The following UBL3 variants were observed in gnomAD, a reference collection of about 807,000 sequenced individuals.
UBL3 encodes ubiquitin-like protein 3.
Under a neutral mutation model 18.4 loss-of-function variants are expected in UBL3, and 6 were observed. That is an observed-to-expected ratio of 0.33 (90% confidence interval 0.18 to 0.64). The LOEUF (loss-of-function observed/expected upper bound fraction) is 0.64. UBL3 is among the 30% of genes least tolerant of loss of function. UBL3 has a pLI of 0.76. For synonymous variants in UBL3, 49 were observed against 46.6 expected (o/e 1.05, Z -0.21); for missense variants, 109 against 142.9 (o/e 0.76, Z 1.21).
chr13:29,767,828 C>A, intron 3 of UBL3, 133 bp from the exon 4 acceptor site: 2 of 615,816 alleles, frequency 3.2e-6, no homozygotes, highest in South Asian at 3.0e-5. Context: ...ACTCAGAGTA[C>A]CTTCACAAAA....
rs193108192 is a variant in UBL3, at chr13:29,816,787, C to G, written c.27+32725G>C. Among the ~76,000 whole-genome samples the G allele has an allele frequency of 1.0e-2, 1,110 of 111,012 alleles. 16 individuals carry two copies. Among genetic ancestry groups the G allele is most frequent in the African/African-American group, 0.034 (1,055 of 31,228 alleles). The allele number at this position is 111,012 out of a possible 152,430, so 72.8% of individuals were successfully genotyped here. ...AAAAAAAAAAAAAAAAAAAAAGGAA[C>G]AATGTTGAACTCTGAAAATCTTCTA... On this transcript the variant is annotated intron_variant, in intron 1 of 4. Transcript: ENST00000380680.
intron 1 of UBL3, among the ~76,000 whole-genome samples, chr13:29,835,501 G>GAGCCAC (rs60487197): frequency 0.1 from 15,361 of 151,406 alleles, 943 homozygotes; most frequent in African/African-American, 0.17. Flanking sequence ...CTCCCAGTGG[G>GAGCCAC]TGGCTCCCAC....
chr13:29,844,398 G>T (rs1342220180), intron 1 of UBL3, among the ~76,000 whole-genome samples: 1 of 152,094 alleles, frequency 6.6e-6, no homozygotes, highest in Non-Finnish European at 1.5e-5. Context: ...GGTGCCGAGG[G>T]TATTATAGTT....
At chr13:29,819,340 T>G (rs998430497) in intron 1 of UBL3, among the ~76,000 whole-genome samples, 1 of 152,214 alleles carries the variant, frequency 6.6e-6, no homozygotes, top group Non-Finnish European at 1.5e-5. Flanking sequence ...TAAGGTGATT[T>G]TGTTGCATTT....
At chr13:29,788,205 G>A (rs1333675360) in intron 1 of UBL3, among the ~76,000 whole-genome samples, 1 of 152,068 alleles carries the variant, frequency 6.6e-6, no homozygotes, top group South Asian at 2.1e-4. Flanking sequence ...ACACTTATTT[G>A]TCTTAGCCTT....
At chr13:29,833,414 G>A (rs1878834213) in intron 1 of UBL3, among the ~76,000 whole-genome samples, 1 of 150,726 alleles carries the variant, frequency 6.6e-6, no homozygotes, top group African/African-American at 2.5e-5. Flanking sequence ...AAATTAGTGA[G>A]GAAAATAATG....
chr13:29,774,659 GA>G (rs1876933575), intron 2 of UBL3, among the ~76,000 whole-genome samples: 1 of 151,998 alleles, frequency 6.6e-6, no homozygotes, highest in African/African-American at 2.4e-5. Flanking sequence ...TCCAGTAGTT[GA>G]AAGTATTTGT....
At chr13:29,818,361 A>G (rs908700246) in intron 1 of UBL3, among the ~76,000 whole-genome samples, 1 of 152,244 alleles carries the variant, frequency 6.6e-6, no homozygotes, top group Non-Finnish European at 1.5e-5. Flanking sequence ...GAGACACTTA[A>G]CATCAATTAT....
intron 1 of UBL3, among the ~76,000 whole-genome samples, chr13:29,790,350 C>CT (rs1877450080): frequency 6.6e-6 from 1 of 152,070 alleles, no homozygotes; most frequent in Non-Finnish European, 1.5e-5. Flanking sequence ...TCTTTCATTC[C>CT]TTTTAAACCT....
chr13:29,770,365 G>A (rs116944309), intron 3 of UBL3, among the ~76,000 whole-genome samples: 2 of 152,098 alleles, frequency 1.3e-5, no homozygotes, highest in East Asian at 3.9e-4. Context: ...AAGAAGGACA[G>A]CAACACAGAA....
chr13:29,782,669 A>G (rs1166106688), intron 1 of UBL3, among the ~76,000 whole-genome samples: 1 of 152,164 alleles, frequency 6.6e-6, no homozygotes, highest in Non-Finnish European at 1.5e-5. Context: ...GTAGTTTGGA[A>G]GTATAAAATG....
rs1354853814 is a variant in UBL3, at chr13:29,772,188, T to C, written c.147A>G (p.Glu49=). 12 of 1,611,462 alleles carry C rather than the reference T, an allele frequency of 7.4e-6. No homozygotes were observed. Among genetic ancestry groups the C allele is most frequent in the Non-Finnish European group, 1.0e-5 (12 of 1,178,500 alleles). Residue 49 remains glutamate, a synonymous_variant, in exon 3 of 5, where the codon GAA becomes GAG. Coordinates refer to ENST00000380680, the MANE Select transcript of UBL3 (RefSeq NM_007106.4). ...VYDNWPMDWE[E]EQVSSPNILR... ...GAATATTTGGACTGCTGACCTGCTCTTCTTCCCAGTCTGAAAAGAATCCAG... is the reference window on the plus strand; with the variant it reads ...GAATATTTGGACTGCTGACCTGCTCCTCTTCCCAGTCTGAAAAGAATCCAG...
intron 1 of UBL3, among the ~76,000 whole-genome samples, chr13:29,839,906 G>A (rs1199453972): frequency 2.7e-5 from 4 of 146,866 alleles, no homozygotes; most frequent in Admixed American, 6.9e-5. Context: ...TAGCCTGGGC[G>A]ACAGAGTGAG....
intron 1 of UBL3, among the ~76,000 whole-genome samples, chr13:29,830,744 A>G (rs969069228): frequency 5.9e-5 from 9 of 152,260 alleles, no homozygotes; most frequent in African/African-American, 2.2e-4. Flanking sequence ...ACAATTAGAA[A>G]GTGTTTGGAA....
At chr13:29,785,548 T>C (rs1340437201) in intron 1 of UBL3, among the ~76,000 whole-genome samples, 2 of 152,174 alleles carry the variant, frequency 1.3e-5, no homozygotes, top group Non-Finnish European at 2.9e-5. Context: ...AGTTATGAAT[T>C]TATAAAGGGC....
In UBL3 at chr13:29,771,990, G is replaced by A. The variant is rs1254547953; in HGVS notation, c.223+122C>T. 22 of 833,822 alleles carry A rather than the reference G, an allele frequency of 2.6e-5. No homozygotes were observed. The East Asian group carries it at 5.9e-4, about 22-fold the overall frequency. The allele number at this position is 833,822 out of a possible 1,614,324, so 51.7% of individuals were successfully genotyped here. A position where few individuals can be genotyped will look rare whatever the true frequency, so the allele number is the denominator to read the frequency against. The stretch of plus-strand genomic sequence containing the variant: ...GAAGGAGTAGGCATACCAGAAATAG[G>A]CAGAATTCATAGTTTGAATTTATCA... On this transcript the variant is annotated intron_variant, in intron 3 of 4. Transcript: ENST00000380680.
rs199532113 is a variant in UBL3, at chr13:29,784,566, GA to G, written c.28-7304del. Among the ~76,000 whole-genome samples the G allele has an allele frequency of 7.8e-3, 1,004 of 129,230 alleles. 30 individuals carry two copies. In the East Asian group the frequency reaches 0.08, roughly 10 times the overall value. The allele number at this position is 129,230 out of a possible 152,430, so 84.8% of individuals were successfully genotyped here. On this transcript the variant is annotated intron_variant, in intron 1 of 4. Coordinates refer to ENST00000380680, the MANE Select transcript of UBL3 (RefSeq NM_007106.4). The stretch of plus-strand genomic sequence containing the variant: ...ATTAGACCCTTTTTGCAAATCTTTG[GA>G]AAAAAAAAAAAACAACTCCCGACTT...
At chr13:29,769,276 T>A (rs1262480933) in intron 3 of UBL3, among the ~76,000 whole-genome samples, 1 of 152,140 alleles carries the variant, frequency 6.6e-6, no homozygotes, top group African/African-American at 2.4e-5. Context: ...GGCTTACCAT[T>A]TGAAGTTACA....
intron 1 of UBL3, among the ~76,000 whole-genome samples, chr13:29,795,508 TA>T (rs1191637381): frequency 6.6e-6 from 1 of 151,880 alleles, no homozygotes; most frequent in East Asian, 1.9e-4. Context: ...TAACATTAGT[TA>T]TATTATTAAC....
Sources: gnomAD v4.1 joint callset for allele counts (sites outside exome capture counted in the v4.1 genomes callset) on GRCh38, gnomAD v4.1.1 for gene constraint, MANE v1.5 for transcripts, NCBI Gene and HGNC (gene_info 2026-07-23, HGNC 2026-07-21) for gene names.